GAST: variants seen among roughly 807,000 people sequenced by gnomAD.
The protein encoded by GAST is gastrin.
GAST carries 9 observed loss-of-function variants against 12.5 expected under a neutral mutation model. The ratio of observed to expected loss-of-function variants is 0.72; its 90% CI spans 0.43 to 1.25. The LOEUF is 1.25. Among genes scored for constraint, GAST ranks in the 50% most tolerant of loss-of-function variants. The pLI is 0.00. For missense variants in GAST, 121 were observed against 127.7 expected, an observed-to-expected ratio of 0.95 and a Z score of 0.25; for synonymous variants, 52 against 51.1, an observed-to-expected ratio of 1.02 and a Z score of -0.08.
In GAST at chr17:41,715,616, G is replaced by A. The variant is rs1173853426; in HGVS notation, c.180G>A (p.Leu60=). Residue 60 remains leucine (L), a synonymous_variant, in exon 2 of 3, where the codon CTG becomes CTA. Transcript: ENST00000329402. ...CAGCCTCTCATCATCGAAGGCAGCT[G>A]GGACCCCAGGGTCCCCCACACCTCG... is the stretch of plus-strand genomic sequence containing the variant. The part of the protein sequence containing the change: ...QGPASHHRRQ[L]GPQGPPHLVA... The A allele has an allele frequency of 6.2e-7, 1 of 1,613,678 alleles. No homozygotes were observed. Among genetic ancestry groups the A allele is most frequent in the African/African-American group, 1.3e-5 (1 of 75,038 alleles).
At chr17:41,715,362 T>G (rs1418039773) in intron 1 of GAST, 70 bp from the exon 2 acceptor site, 1 of 1,215,180 alleles carries the variant, frequency 8.2e-7, no homozygotes, top group Non-Finnish European at 1.2e-6. Context: ...GCCACATGGT[T>G]CAGTCCCCTG....
intron 1 of GAST, among the ~76,000 whole-genome samples, chr17:41,713,379 A>G (rs1910899660): frequency 1.3e-5 from 2 of 152,142 alleles, no homozygotes; most frequent in Admixed American, 1.3e-4. Context: ...AAGAAAACCT[A>G]ACAGAAAACC....
intron 1 of GAST, among the ~76,000 whole-genome samples, chr17:41,712,717 A>G (rs1470701516): frequency 6.6e-6 from 1 of 152,148 alleles, no homozygotes; most frequent in Non-Finnish European, 1.5e-5. Flanking sequence ...CAGAGGCAAG[A>G]TGTGACTTGC....
intron 1 of GAST, among the ~76,000 whole-genome samples, chr17:41,714,848 C>A (rs5014485): frequency 0.76 from 115,708 of 152,086 alleles, 45,724 homozygotes; most frequent in Middle Eastern, 0.91. Context: ...CAGAACAGAA[C>A]CTAGGGAAAC....
chr17:41,713,484 A>C (rs1910903333), intron 1 of GAST, among the ~76,000 whole-genome samples: 2 of 152,120 alleles, frequency 1.3e-5, no homozygotes, highest in African/African-American at 4.8e-5. Flanking sequence ...TGAGCTCAGG[A>C]GTTCCAGACC....
intron 2 of GAST, 22 bp from the exon 3 acceptor site, chr17:41,715,756 C>T: frequency 6.3e-7 from 1 of 1,597,592 alleles, no homozygotes; most frequent in Non-Finnish European, 8.5e-7. Context: ...TTCCCCCATT[C>T]TCGCCTCTCT....
In GAST at chr17:41,715,864, G is replaced by A. The variant is rs1555585885; in HGVS notation, c.298G>A (p.Glu100Lys). The A allele has an allele frequency of 1.2e-6, 2 of 1,603,352 alleles. No homozygotes were observed. Among genetic ancestry groups the A allele is most frequent in the Non-Finnish European group, 1.7e-6 (2 of 1,176,430 alleles). ...CTTCGGCCGCCGCAGTGCTGAGGAT[G>A]AGAACTAACAATCCTAGAACCAAGC... ...MDFGRRSAED[E>K]N Residue 100 changes from glutamate to lysine, a missense_variant, in exon 3 of 3, where the codon GAG (glutamate) becomes AAG (lysine). Glu to Lys is a moderately conservative substitution (Grantham distance 56). Transcript: ENST00000329402.
At position 41,714,501 on chromosome 17, in the gene GAST, G is replaced by T. The variant is rs547909345; in HGVS notation, c.-5-931G>T. On this transcript the variant is annotated intron_variant, in intron 1 of 2. Transcript: ENST00000329402. ...AATAACAAGTCTTGGGCTGAGCACA[G>T]TGGCTCACATCTGTAATCGCAGCAC... is the stretch of plus-strand genomic sequence containing the variant. Among the ~76,000 whole-genome samples, 3 of 152,234 alleles carry T rather than the reference G, an allele frequency of 2.0e-5. No individual in the cohort carries two copies. The South Asian group carries it at 6.2e-4, about 32-fold the overall frequency.
At chr17:41,715,673 G>C in intron 2 of GAST, 26 bp downstream of exon 2, 2 of 1,609,072 alleles carry the variant, frequency 1.2e-6, no homozygotes, top group Non-Finnish European at 1.7e-6. Flanking sequence ...TGCCCTGCTT[G>C]CCTCACTTGG....
At chr17:41,715,214 C>T (rs782240785) in intron 1 of GAST, among the ~76,000 whole-genome samples, 46 of 151,964 alleles carry the variant, frequency 3.0e-4, no homozygotes, top group Non-Finnish European at 6.0e-4. Flanking sequence ...GCAGGAGAAT[C>T]ACTTGAACCC....
intron 1 of GAST, among the ~76,000 whole-genome samples, chr17:41,713,226 T>C (rs1910895760): frequency 6.6e-6 from 1 of 152,176 alleles, no homozygotes; most frequent in Admixed American, 6.5e-5. Context: ...CATAATTTTT[T>C]AATTTAATTA....
chr17:41,715,523 G>A lies in GAST; in HGVS notation c.87G>A (p.Gln29=), dbSNP rs781901913. The change falls in exon 2 of 3, where the codon CAG becomes CAA. Residue 29 remains glutamine (Q), a synonymous_variant. Transcript: ENST00000329402. ...CTTCTTGGAAGCCCCGCTCCCAGCA[G>A]CCAGATGCACCCTTAGGTACAGGGG... The part of the protein sequence containing the change: ...SEASWKPRSQ[Q]PDAPLGTGAN... 3.7e-6 allele frequency: 6 copies of A among 1,613,672 alleles called. No homozygotes were observed. The South Asian group carries it at 5.5e-5, about 15-fold the overall frequency.
Position 41,712,372 on chromosome 17 carries a change from C to G in GAST, c.-21C>G, listed in dbSNP as rs1377494748. The stretch of plus-strand genomic sequence containing the variant: ...CCAGGCCCAGCCGTGGCACCACACA[C>G]CTCCCAGCTCTGCAGGTGAGAAAAC... On this transcript the variant is annotated 5_prime_UTR_variant, in exon 1 of 3. Coordinates refer to ENST00000329402, the MANE Select transcript of GAST (RefSeq NM_000805.5). The G allele has an allele frequency of 6.6e-6, 1 of 152,436 alleles. No individual in the cohort carries two copies. Among genetic ancestry groups the G allele is most frequent in the East Asian group, 1.9e-4 (1 of 5,198 alleles). The allele number at this position is 152,436 out of a possible 1,614,324, so 9.4% of individuals were successfully genotyped here.
At chr17:41,714,617 C>CA (rs71272907) in intron 1 of GAST, among the ~76,000 whole-genome samples, 6,163 of 151,390 alleles carry the variant, frequency 0.041, 421 homozygotes, top group African/African-American at 0.14. Flanking sequence ...ACAAAAAATA[C>CA]AAAAAAAATT....
At position 41,715,660 on chromosome 17, in the gene GAST, G is replaced by A; in HGVS notation, c.211+13G>A. ...CACCTCGTGGCAGGTAGGAGCTGCT[G>A]ACTGCCCTGCTTGCCTCACTTGGCC... On this transcript the variant is annotated intron_variant, in intron 2 of 2. Transcript: ENST00000329402. 6.2e-7 allele frequency: 1 copy of A among 1,612,026 alleles called. No individual in the cohort carries two copies. The highest frequency in any genetic ancestry group is 8.5e-7 in the Non-Finnish European group (1 of 1,178,722).
intron 1 of GAST, 29 bp from the exon 2 acceptor site, chr17:41,715,403 C>A (rs1555585699): frequency 6.3e-7 from 1 of 1,576,990 alleles, no homozygotes; most frequent in Non-Finnish European, 8.7e-7. Flanking sequence ...CAGCCTCACC[C>A]TTAAGCTAGT....
At chr17:41,713,062 C>A (rs1421611318) in intron 1 of GAST, among the ~76,000 whole-genome samples, 1 of 151,956 alleles carries the variant, frequency 6.6e-6, no homozygotes, top group Non-Finnish European at 1.5e-5. Flanking sequence ...ATTACAGGCG[C>A]CTGCCACAAC....
intron 1 of GAST, among the ~76,000 whole-genome samples, chr17:41,713,977 A>G (rs1016189819): frequency 1.3e-5 from 2 of 152,156 alleles, no homozygotes; most frequent in Admixed American, 1.3e-4. Context: ...TTTTTTCTTA[A>G]CTGCTTCATT....
chr17:41,714,007 C>T (rs970990022), intron 1 of GAST, among the ~76,000 whole-genome samples: 6 of 152,174 alleles, frequency 3.9e-5, no homozygotes, highest in African/African-American at 1.4e-4. Context: ...GGATATTCCT[C>T]AGTTAAGCAA....
Sources: gnomAD v4.1 joint callset for allele counts (sites outside exome capture counted in the v4.1 genomes callset) on GRCh38, gnomAD v4.1.1 for gene constraint, MANE v1.5 for transcripts, NCBI Gene and HGNC (gene_info 2026-07-23, HGNC 2026-07-21) for gene names.